The following NRXN3 variants were observed in gnomAD, a reference collection of about 807,000 sequenced individuals.
NRXN3 encodes the protein neurexin III.
A neutral mutation model predicts 137.6 loss-of-function variants in NRXN3; 32 were observed. The observed-to-expected ratio is 0.23, with a 90% CI of 0.18 to 0.31. The LOEUF is 0.31. Ranked by LOEUF, NRXN3 falls within the 10% of genes least tolerant of loss-of-function variation. The pLI is 1.00. For missense variants in NRXN3, 1,574 were observed against 2,062.5 expected, an observed-to-expected ratio of 0.76 and a Z score of 4.59; for synonymous variants, 798 against 784.5, an observed-to-expected ratio of 1.02 and a Z score of -0.29.
At chr14:79,292,427 C>T (rs2083356667) in intron 15 of NRXN3, among the ~76,000 whole-genome samples, 1 of 152,094 alleles carries the variant, frequency 6.6e-6, no homozygotes, top group Admixed American at 6.6e-5. Context: ...AGGCTTTCTC[C>T]CCAACTTATG....
intron 8 of NRXN3, among the ~76,000 whole-genome samples, chr14:78,798,634 C>T (rs535505568): frequency 6.6e-6 from 1 of 152,324 alleles, no homozygotes; most frequent in Admixed American, 6.5e-5. Flanking sequence ...GGGCTCACAC[C>T]CCACATTTCC....
intron 14 of NRXN3, chr14:78,972,929 C>T (rs2099448451): frequency 1.3e-5 from 2 of 152,186 alleles, no homozygotes; most frequent in African/African-American, 4.8e-5. Flanking sequence ...GTTCTTGTTC[C>T]CATTACCACT....
At chr14:79,827,576 A>C (rs528701785) in intron 20 of NRXN3, among the ~76,000 whole-genome samples, 1 of 152,234 alleles carries the variant, frequency 6.6e-6, no homozygotes, top group South Asian at 2.1e-4. Context: ...TATAAGAAGC[A>C]TGGTGCTAGC....
At chr14:79,037,278 C>T (rs908909889) in intron 15 of NRXN3, among the ~76,000 whole-genome samples, 102 of 152,168 alleles carry the variant, frequency 6.7e-4, no homozygotes, top group African/African-American at 2.2e-3. Flanking sequence ...CGCGCATGTG[C>T]ACACATGCTC....
At chr14:78,258,634 T>C (rs1217277314) in intron 2 of NRXN3, among the ~76,000 whole-genome samples, 1 of 152,314 alleles carries the variant, frequency 6.6e-6, no homozygotes, top group Middle Eastern at 3.4e-3. Context: ...TACCCAGACA[T>C]GTAGAAGGAA....
rs146830636 is a variant in NRXN3, at chr14:79,420,998, G to A, written c.3263-46223G>A. On this transcript the variant is annotated intron_variant, in intron 15 of 20. Transcript: ENST00000335750. ...AACCAAATAAGAACAAGCATTGCAG[G>A]CCCCAGATATTTAGAGACTCCAGTG... is the stretch of plus-strand genomic sequence containing the variant. Among the ~76,000 whole-genome samples the A allele has an allele frequency of 1.9e-3, 290 of 152,264 alleles. 1 individual carries two copies. Among genetic ancestry groups the A allele is most frequent in the South Asian group, 6.0e-3 (29 of 4,818 alleles).
At chr14:78,625,138 T>C (rs1295493736) in intron 4 of NRXN3, among the ~76,000 whole-genome samples, 1 of 152,184 alleles carries the variant, frequency 6.6e-6, no homozygotes, top group Non-Finnish European at 1.5e-5. Context: ...CCGCACCTGG[T>C]CCCTGTTCCT....
In NRXN3 at chr14:78,508,243, G is replaced by A. The variant is rs76545793; in HGVS notation, c.758-136877G>A. Among the ~76,000 whole-genome samples, 265 of 152,278 alleles carry A rather than the reference G, an allele frequency of 1.7e-3. 6 individuals carry two copies. The East Asian group carries it at 0.044, about 25-fold the overall frequency. On this transcript the variant is annotated intron_variant, in intron 4 of 20. Coordinates refer to ENST00000335750, the MANE Select transcript of NRXN3 (RefSeq NM_001330195.2). ...CCGGTATTTACCAATCTTCTGTAAC[G>A]AGGTAGACTCCATTTAGAATCTGGT...
intron 4 of NRXN3, among the ~76,000 whole-genome samples, chr14:78,313,096 A>G (rs569107526): frequency 6.6e-6 from 1 of 152,280 alleles, no homozygotes; most frequent in South Asian, 2.1e-4. Context: ...GGTTAGAGTA[A>G]TTTGTGGAGA....
chr14:79,672,171 G>A (rs73329940), intron 17 of NRXN3, among the ~76,000 whole-genome samples: 4,765 of 152,102 alleles, frequency 0.031, 212 homozygotes, highest in African/African-American at 0.11. Flanking sequence ...TTTATAGGAT[G>A]CACATTTACA....
chr14:79,399,360 C>A (rs913321701), intron 15 of NRXN3, among the ~76,000 whole-genome samples: 1 of 152,028 alleles, frequency 6.6e-6, no homozygotes, highest in African/African-American at 2.4e-5. Flanking sequence ...AATCTTTTTC[C>A]AAGGTGTGCT....
At chr14:78,746,503 T>A (rs1285036563) in intron 8 of NRXN3, among the ~76,000 whole-genome samples, 1 of 152,180 alleles carries the variant, frequency 6.6e-6, no homozygotes, top group Non-Finnish European at 1.5e-5. Flanking sequence ...ATAACACTGT[T>A]TGCTGATTTT....
intron 4 of NRXN3, among the ~76,000 whole-genome samples, chr14:78,485,172 G>C (rs1235920429): frequency 6.6e-6 from 1 of 152,100 alleles, no homozygotes; most frequent in African/African-American, 2.4e-5. Flanking sequence ...ACTTTATAAT[G>C]TAAATAGAAT....
intron 19 of NRXN3, among the ~76,000 whole-genome samples, chr14:79,750,245 GAGTGACAA>G (rs1206947222): frequency 7.9e-5 from 12 of 152,128 alleles, no homozygotes; most frequent in African/African-American, 2.9e-4. Flanking sequence ...TGGTGAGTCT[GAGTGACAA>G]ACCAGGGAGA....
At chr14:79,099,488 A>T (rs939112822) in intron 15 of NRXN3, among the ~76,000 whole-genome samples, 1 of 152,210 alleles carries the variant, frequency 6.6e-6, no homozygotes, top group African/African-American at 2.4e-5. Context: ...ACTAAACTGT[A>T]TGGTAAAGTC....
At chr14:78,539,981 G>A (rs2096573011) in intron 4 of NRXN3, among the ~76,000 whole-genome samples, 1 of 152,058 alleles carries the variant, frequency 6.6e-6, no homozygotes, top group South Asian at 2.1e-4. Flanking sequence ...ACAGTTTGTT[G>A]TGATTTCTGT....
At chr14:78,829,074 G>T (rs1461417900) in intron 10 of NRXN3, among the ~76,000 whole-genome samples, 2 of 152,112 alleles carry the variant, frequency 1.3e-5, no homozygotes. Flanking sequence ...GCTTATGGAA[G>T]ATACATACTT....
intron 1 of NRXN3, among the ~76,000 whole-genome samples, chr14:78,242,049 G>C (rs2067146358): frequency 6.6e-6 from 1 of 152,056 alleles, no homozygotes; most frequent in African/African-American, 2.4e-5. Flanking sequence ...ATTAGGTGTG[G>C]GTATTTGAAT....
At chr14:79,142,479 A>T (rs1234396756) in intron 15 of NRXN3, among the ~76,000 whole-genome samples, 6 of 152,016 alleles carry the variant, frequency 3.9e-5, no homozygotes, top group Admixed American at 6.5e-5. Context: ...GACCCCTGTC[A>T]GACTGAGGGG....
Sources: allele counts gnomAD v4.1 joint callset (sites outside exome capture counted in the v4.1 genomes callset), GRCh38; gene constraint gnomAD v4.1.1; transcripts MANE v1.5; gene names NCBI Gene and HGNC (gene_info 2026-07-23, HGNC 2026-07-21).